TTC39C: variants seen among roughly 807,000 people sequenced by gnomAD.
TTC39C encodes the protein tetratricopeptide repeat protein 39C.
In TTC39C, 33 loss-of-function variants were observed where a neutral mutation model predicts 76.3. That is an observed-to-expected ratio of 0.43 (90% CI 0.33 to 0.58). The LOEUF (loss-of-function observed/expected upper bound fraction) is 0.58, where lower values mean the gene tolerates loss of function less well. Among genes scored for constraint, TTC39C ranks in the 20% least tolerant of loss-of-function variants. The pLI, the probability that TTC39C is intolerant of heterozygous loss-of-function variation, is 0.04. For missense variants in TTC39C, 595 were observed against 701.4 expected, an observed-to-expected ratio of 0.85 and a Z score of 1.71; for synonymous variants, 254 against 260.6, an observed-to-expected ratio of 0.97 and a Z score of 0.24.
chr18:24,099,674 T>G (rs2084653162), intron 6 of TTC39C, among the ~76,000 whole-genome samples: 1 of 152,058 alleles, frequency 6.6e-6, no homozygotes, highest in African/African-American at 2.4e-5. Flanking sequence ...CTTTCTTATA[T>G]CTCCATATTT....
intron 1 of TTC39C, among the ~76,000 whole-genome samples, chr18:24,057,620 T>G (rs965026175): frequency 2.6e-5 from 4 of 152,248 alleles, no homozygotes. Context: ...TGAGATTAAT[T>G]CATGTTATTG....
In TTC39C at chr18:24,014,767, G is replaced by A. The variant is rs917569874; in HGVS notation, c.-105G>A. 2.1e-6 allele frequency: 2 copies of A among 959,868 alleles called. No homozygotes were observed. The highest frequency in any genetic ancestry group is 3.7e-5 in the African/African-American group (2 of 54,546). 59.5% of individuals were successfully genotyped at this position (959,868 alleles called of 1,614,324 possible). ...CTCCCCTCCCCTCCCCTCCCCTCCC[G>A]GCTCCGCTTGGCTCCGGGCAGGTAG... On this transcript the variant is annotated 5_prime_UTR_variant, in exon 1 of 14. Transcript: ENST00000317571.
chr18:24,083,870 T>C (rs1022466812), intron 6 of TTC39C, among the ~76,000 whole-genome samples: 3 of 152,228 alleles, frequency 2.0e-5, no homozygotes, highest in African/African-American at 7.2e-5. Flanking sequence ...TTATAGTAGC[T>C]GCTCCATCTA....
intron 1 of TTC39C, among the ~76,000 whole-genome samples, chr18:24,020,537 A>C (rs1461896890): frequency 6.6e-6 from 1 of 152,198 alleles, no homozygotes; most frequent in East Asian, 1.9e-4. Flanking sequence ...CCCAGCGGAT[A>C]CCAAAATCTG....
At chr18:24,029,799 C>T (rs8095991) in intron 1 of TTC39C, among the ~76,000 whole-genome samples, 31,672 of 152,164 alleles carry the variant, frequency 0.21, 3,999 homozygotes, top group East Asian at 0.59. Flanking sequence ...TGATGGTCTC[C>T]AGCTTTATCC....
In TTC39C at chr18:24,061,470, C is replaced by T. The variant is rs184375643; in HGVS notation, c.168-2670C>T. Among the ~76,000 whole-genome samples the T allele has an allele frequency of 2.6e-4, 40 of 151,874 alleles. No individual in the cohort carries two copies. The East Asian group carries it at 7.2e-3, about 27-fold the overall frequency. On this transcript the variant is annotated intron_variant, in intron 1 of 13. Transcript: ENST00000317571. Reference sequence around the variant, plus strand: ...GCACTGGTTTTGAACCAATGACCTTCGTACTCTTTGGGAACATTTCCAGAT... The same window carrying T: ...GCACTGGTTTTGAACCAATGACCTTTGTACTCTTTGGGAACATTTCCAGAT...
At chr18:24,094,304 G>T (rs1003958074) in intron 6 of TTC39C, among the ~76,000 whole-genome samples, 7 of 152,086 alleles carry the variant, frequency 4.6e-5, no homozygotes, top group African/African-American at 1.4e-4. Flanking sequence ...TACCACATTG[G>T]CTGTTTCTTC....
intron 1 of TTC39C, among the ~76,000 whole-genome samples, chr18:24,028,339 T>C (rs2083622676): frequency 6.6e-6 from 1 of 152,172 alleles, no homozygotes; most frequent in African/African-American, 2.4e-5. Context: ...TTGTGTGACA[T>C]TTTGGATCTG....
At chr18:23,995,315 C>A (rs1156508907) in intron 1 of TTC39C, among the ~76,000 whole-genome samples, 1 of 151,958 alleles carries the variant, frequency 6.6e-6, no homozygotes. Flanking sequence ...TAAAAATACC[C>A]CAAAATTAGC....
Position 24,128,745 on chromosome 18 carries a change from A to C in TTC39C, c.1421-141A>C, listed in dbSNP as rs1440101904. 4 of 614,174 alleles carry C rather than the reference A, an allele frequency of 6.5e-6. No individual in the cohort carries two copies. In the African/African-American group the frequency reaches 7.5e-5, roughly 12 times the overall value. 38.0% of individuals were successfully genotyped at this position (614,174 alleles called of 1,614,324 possible). Reference sequence around the variant, plus strand: ...AAGTCATTTTTAACAAATTAACATAACTTCTTTTATTAAGAGCAGTTTTAG... The same window carrying C: ...AAGTCATTTTTAACAAATTAACATACCTTCTTTTATTAAGAGCAGTTTTAG... On this transcript the variant is annotated intron_variant, in intron 10 of 13. Transcript: ENST00000317571.
rs929571749 is a variant in TTC39C at position 24,110,391 on chromosome 18, G to C, written c.985-4163G>C. Among the ~76,000 whole-genome samples, 6 of 152,288 alleles carry C rather than the reference G, an allele frequency of 3.9e-5. No individual in the cohort carries two copies. The South Asian group carries it at 1.2e-3, about 32-fold the overall frequency. Reference sequence around the variant, plus strand: ...TGTGCTGTTATAAGTATTTTAACTGGTGCTCCTAGCCAATTAACAAACAAA... The same window carrying C: ...TGTGCTGTTATAAGTATTTTAACTGCTGCTCCTAGCCAATTAACAAACAAA... On this transcript the variant is annotated intron_variant, in intron 6 of 13. Coordinates refer to ENST00000317571, the MANE Select transcript of TTC39C (RefSeq NM_001135993.2).
At chr18:24,065,143 G>A (rs2084150592) in intron 2 of TTC39C, among the ~76,000 whole-genome samples, 1 of 152,226 alleles carries the variant, frequency 6.6e-6, no homozygotes, top group Admixed American at 6.5e-5. Flanking sequence ...TCAGCAGCTT[G>A]AGAGGAGGGT....
intron 12 of TTC39C, among the ~76,000 whole-genome samples, chr18:24,131,148 G>T (rs2085124208): frequency 2.7e-5 from 4 of 145,868 alleles, no homozygotes; most frequent in African/African-American, 1.0e-4. Context: ...GCTTGAGGTT[G>T]CAGTGAGCCA....
At chr18:24,116,090 GTTATTCCTGAC>G (rs1599340933) in intron 7 of TTC39C, among the ~76,000 whole-genome samples, 2 of 152,210 alleles carry the variant, frequency 1.3e-5, no homozygotes, top group East Asian at 1.9e-4. Context: ...TTTTTCCTGA[GTTATTCCTGAC>G]TTATTCCTGA....
At chr18:24,005,405 T>G (rs1184039575) in intron 1 of TTC39C, among the ~76,000 whole-genome samples, 1 of 152,224 alleles carries the variant, frequency 6.6e-6, no homozygotes, top group East Asian at 1.9e-4. Context: ...ATATTTTTTT[T>G]GCCCCAGGTA....
intron 4 of TTC39C, 38 bp downstream of exon 4, chr18:24,069,309 C>T: frequency 6.6e-7 from 1 of 1,522,854 alleles, no homozygotes; most frequent in Non-Finnish European, 9.1e-7. Context: ...TTTCAGTATT[C>T]AGTGCACACA....
At chr18:24,023,982 A>G (rs1394937435) in intron 1 of TTC39C, among the ~76,000 whole-genome samples, 65 of 7,332 alleles carry the variant, frequency 8.9e-3, no homozygotes, top group African/African-American at 0.014. Context: ...ATATATATAC[A>G]TATATATATA....
At position 23,996,196 on chromosome 18, in the gene TTC39C, T is replaced by A. The variant is rs553224074; in HGVS notation, c.-17+3158T>A. ...CATCTTTTCATGTGTTTATTTGCCA[T>A]CTGTATATCCTCTTCAGTAAAATGT... On this transcript the variant is annotated intron_variant, in intron 1 of 13. Transcript: ENST00000304621. 1.1e-4 allele frequency among the ~76,000 whole-genome samples: 16 copies of A among 152,376 alleles called. No homozygotes were observed. The South Asian group carries it at 3.1e-3, about 30-fold the overall frequency.
intron 1 of TTC39C, among the ~76,000 whole-genome samples, chr18:24,049,497 A>G (rs1332424357): frequency 6.6e-6 from 1 of 152,156 alleles, no homozygotes; most frequent in Non-Finnish European, 1.5e-5. Context: ...CTTATTCATC[A>G]AGTACCCATT....
Sources: allele counts gnomAD v4.1 joint callset (sites outside exome capture counted in the v4.1 genomes callset), GRCh38; gene constraint gnomAD v4.1.1; transcripts MANE v1.5; gene names NCBI Gene and HGNC (gene_info 2026-07-23, HGNC 2026-07-21).